RSPH14: variants seen among roughly 807,000 people sequenced by gnomAD.
RSPH14 encodes radial spoke head 14 homolog.
In RSPH14, 20 loss-of-function variants were observed where a neutral mutation model predicts 26.7. That is an observed-to-expected ratio of 0.75 (90% CI 0.53 to 1.09). The LOEUF is 1.09. Among genes scored for constraint, RSPH14 ranks in the 50% least tolerant of loss-of-function variants. The probability of loss-of-function intolerance (pLI) is 0.00; values close to 1 mark genes in which losing one functional copy is unlikely to be tolerated. For synonymous variants in RSPH14, 177 were observed against 189.3 expected (o/e 0.93, Z 0.53); for missense variants, 449 against 457.2 (o/e 0.98, Z 0.16).
chr22:23,148,303 G>A (rs1032443110), upstream of RSPH14, among the ~76,000 whole-genome samples: 1 of 152,192 alleles, frequency 6.6e-6, no homozygotes, highest in Non-Finnish European at 1.5e-5. Context: ...GCTTGACAGT[G>A]GTAACTAGGG....
At chr22:23,109,387 G>A (rs1419271810) in intron 4 of RSPH14, among the ~76,000 whole-genome samples, 1 of 152,182 alleles carries the variant, frequency 6.6e-6, no homozygotes, top group Non-Finnish European at 1.5e-5. Flanking sequence ...CCTTGTTAAG[G>A]GATCAGCTGC....
At position 23,072,805 on chromosome 22, in the gene RSPH14, C is replaced by A. The variant is rs755612924; in HGVS notation, c.422-8672G>T. 2.4e-4 allele frequency among the ~76,000 whole-genome samples: 36 copies of A among 152,206 alleles called. 1 individual carries two copies. The highest frequency in any genetic ancestry group is 8.5e-4 in the Admixed American group (13 of 15,286). On this transcript the variant is annotated intron_variant, in intron 4 of 6. Transcript: ENST00000216036. ...CCCAGCCTCTCAGTCCTTTTGTTTT[C>A]TAGAATCTCAGGAGGAACCTCAGAG... is the stretch of plus-strand genomic sequence containing the variant.
At chr22:23,166,553 T>G in the RSPH14 span, among the ~76,000 whole-genome samples, 1 of 152,144 alleles carries the variant, frequency 6.6e-6, no homozygotes, top group Admixed American at 6.5e-5. Context: ...CCTCTCCAGC[T>G]GGGTCAGGTT....
At chr22:23,162,859 C>T in the RSPH14 span, 1 of 404,620 alleles carries the variant, frequency 2.5e-6, no homozygotes, top group Non-Finnish European at 5.1e-6. Flanking sequence ...ACACTGGCAT[C>T]TTTTTCTATT....
At chr22:23,137,503 C>T (rs543850622) in intron 3 of RSPH14, among the ~76,000 whole-genome samples, 40 of 152,186 alleles carry the variant, frequency 2.6e-4, no homozygotes, top group African/African-American at 7.2e-4. Flanking sequence ...TTCAGGGCAG[C>T]TACTTAGAGC....
intron 5 of RSPH14, among the ~76,000 whole-genome samples, chr22:23,063,082 G>A (rs1027791985): frequency 6.6e-6 from 1 of 152,184 alleles, no homozygotes; most frequent in Non-Finnish European, 1.5e-5. Flanking sequence ...TTCAGAGAGA[G>A]AGAGCTCTCT....
intron 4 of RSPH14, among the ~76,000 whole-genome samples, chr22:23,075,060 T>TA: frequency 6.6e-6 from 1 of 152,292 alleles, no homozygotes; most frequent in African/African-American, 2.4e-5. Context: ...ATTAAAACTG[T>TA]ATGGATGCCC....
At chr22:23,135,202 G>C (rs188450250) in intron 3 of RSPH14, among the ~76,000 whole-genome samples, 2 of 151,770 alleles carry the variant, frequency 1.3e-5, no homozygotes, top group African/African-American at 4.8e-5. Context: ...GGCCAGGCGC[G>C]GTGGCTCACG....
At chr22:23,109,504 C>CAAGG (rs2069583048) in intron 4 of RSPH14, among the ~76,000 whole-genome samples, 1 of 152,168 alleles carries the variant, frequency 6.6e-6, no homozygotes, top group African/African-American at 2.4e-5. Flanking sequence ...GTCTCAAGAC[C>CAAGG]AAGGGGACCC....
At chr22:23,121,583 C>G (rs2070025083) in intron 4 of RSPH14, among the ~76,000 whole-genome samples, 1 of 152,166 alleles carries the variant, frequency 6.6e-6, no homozygotes, top group African/African-American at 2.4e-5. Flanking sequence ...CAGCTCGTGT[C>G]CAGCTGTGGT....
chr22:23,060,640 C>T (rs887732465), intron 6 of RSPH14, among the ~76,000 whole-genome samples: 1 of 152,166 alleles, frequency 6.6e-6, no homozygotes, highest in South Asian at 2.1e-4. Flanking sequence ...AGTGGACTCT[C>T]CCCTTTGCTG....
At chr22:23,068,188 G>A (rs931984796) in intron 4 of RSPH14, among the ~76,000 whole-genome samples, 5 of 152,104 alleles carry the variant, frequency 3.3e-5, no homozygotes, top group South Asian at 2.1e-4. Flanking sequence ...CACCGTCCCC[G>A]CCTTGGAACT....
At chr22:23,145,897 A>C (rs2070743487), upstream of RSPH14, 1 of 841,062 alleles carries the variant, frequency 1.2e-6, no homozygotes, top group South Asian at 5.4e-5. Context: ...TTTTCAGGGA[A>C]AAGGCCTAGT....
chr22:23,139,778 C>T (rs964784488), intron 2 of RSPH14, among the ~76,000 whole-genome samples: 2 of 152,102 alleles, frequency 1.3e-5, no homozygotes, highest in African/African-American at 4.8e-5. Flanking sequence ...TAAGATAATC[C>T]AGGCTGGGTG....
intron 4 of RSPH14, among the ~76,000 whole-genome samples, chr22:23,077,336 A>T (rs1280336211): frequency 6.6e-6 from 1 of 151,832 alleles, no homozygotes; most frequent in Non-Finnish European, 1.5e-5. Flanking sequence ...TTGATGCCTC[A>T]CTCCCTGTAG....
At chr22:23,128,472 C>T (rs569994758) in intron 4 of RSPH14, among the ~76,000 whole-genome samples, 67 of 152,336 alleles carry the variant, frequency 4.4e-4, no homozygotes, top group African/African-American at 1.5e-3. Context: ...TCTCCTGACA[C>T]GGCACCACCA....
chr22:23,070,430 C>T (rs1436991636), intron 4 of RSPH14: 5 of 147,682 alleles, frequency 3.4e-5, no homozygotes, highest in Admixed American at 6.7e-5. Flanking sequence ...TGTGCGCCGC[C>T]CGCGGTCCGG....
chr22:23,157,883 G>A, the RSPH14 span: 1 of 1,578,242 alleles, frequency 6.3e-7, no homozygotes, highest in Non-Finnish European at 8.6e-7. Flanking sequence ...CTGAGTGCCT[G>A]GTTGGGGGGC....
chr22:23,090,417 G>C (rs1411589245), intron 4 of RSPH14, among the ~76,000 whole-genome samples: 2 of 152,246 alleles, frequency 1.3e-5, no homozygotes, highest in South Asian at 2.1e-4. Context: ...TTATCACCTG[G>C]ATGTTTGCAT....
Sources: allele counts gnomAD v4.1 joint callset (sites outside exome capture counted in the v4.1 genomes callset), GRCh38; gene constraint gnomAD v4.1.1; transcripts MANE v1.5; gene names NCBI Gene and HGNC (gene_info 2026-07-23, HGNC 2026-07-21).